The following PTPN9 variants were observed in gnomAD, a reference collection of about 807,000 sequenced individuals.
PTPN9 encodes protein tyrosine phosphatase non-receptor type 9.
A neutral mutation model predicts 69.8 loss-of-function variants in PTPN9; 26 were observed. The observed-to-expected ratio is 0.37, with a 90% CI of 0.27 to 0.52. The LOEUF is 0.52. Among genes scored for constraint, PTPN9 ranks in the 20% least tolerant of loss-of-function variants. The pLI is 0.91. For missense variants in PTPN9, 549 were observed against 740.3 expected, an observed-to-expected ratio of 0.74 and a Z score of 3.00; for synonymous variants, 274 against 272.5, an observed-to-expected ratio of 1.01 and a Z score of -0.05.
chr15:75,464,969 G>T lies in PTPN9; in HGVS notation c.*3800C>A, dbSNP rs886101265. The T allele has an allele frequency of 1.3e-5, 2 of 152,096 alleles. No homozygotes were observed. The highest frequency in any genetic ancestry group is 6.5e-5 in the Admixed American group (1 of 15,268). 9.4% of individuals were successfully genotyped at this position (152,096 alleles called of 1,614,324 possible). A position where few individuals can be genotyped will look rare whatever the true frequency, so the allele number is the denominator to read the frequency against. ...GGGAGCAATGGGAAAAAGGACACAG[G>T]GATTATCTCATGTTTGAAAAATTAT... On this transcript the variant is annotated 3_prime_UTR_variant, in exon 13 of 13. Transcript: ENST00000618819.
chr15:75,570,052 CTTGTG>C (rs913229168), intron 1 of PTPN9, among the ~76,000 whole-genome samples: 5 of 152,078 alleles, frequency 3.3e-5, no homozygotes, highest in African/African-American at 1.2e-4. Flanking sequence ...ATCTCTTGAC[CTTGTG>C]ATCCACCCGC....
intron 1 of PTPN9, among the ~76,000 whole-genome samples, chr15:75,564,737 C>A (rs901564569): frequency 6.6e-6 from 1 of 151,894 alleles, no homozygotes; most frequent in Non-Finnish European, 1.5e-5. Context: ...TAGGAGGATC[C>A]CTTGAGGCAA....
In PTPN9 at chr15:75,469,924, A is replaced by G; in HGVS notation, c.1435T>C (p.Ser479Pro). The G allele has an allele frequency of 6.2e-7, 1 of 1,614,190 alleles. No homozygotes were observed. The highest frequency in any genetic ancestry group is 2.2e-5 in the East Asian group (1 of 44,888). Residue 479 changes from serine to proline, a missense_variant, in exon 12 of 13, where the codon TCC (serine) becomes CCC (proline). Physicochemically the swap from Ser to Pro is moderately conservative, Grantham distance 74. This residue lies in a region of PTPN9 where 457 missense variants were observed against 661.9 expected (regional missense o/e 0.69). Transcript: ENST00000618819. ...ACCACTCTCAAGAAGTCAATGAGGG[A>G]AGCTGCTGAGGAAGGGACACCATAG... ...PDYGVPSSAA[S>P]LIDFLRVVRN...
chr15:75,508,750 ATTGAACTGACTAATGCATCAGG>A (rs1567492664), intron 6 of PTPN9, among the ~76,000 whole-genome samples, 145 bp downstream of exon 6: 1 of 152,270 alleles, frequency 6.6e-6, no homozygotes, highest in African/African-American at 2.4e-5. Context: ...GGCAGTCTGT[ATTGAACTGACTAATGCATCAGG>A]TAGAGAATAT....
At chr15:75,519,305 A>T (rs1178112059) in intron 4 of PTPN9, among the ~76,000 whole-genome samples, 2 of 152,162 alleles carry the variant, frequency 1.3e-5, no homozygotes, top group African/African-American at 4.8e-5. Context: ...GGGTTTCGCC[A>T]TGTTGGCCAG....
chr15:75,493,004 A>T (rs1369038137), intron 7 of PTPN9, among the ~76,000 whole-genome samples: 1 of 152,122 alleles, frequency 6.6e-6, no homozygotes. Flanking sequence ...AAATTAAAAA[A>T]ATTAGCTGGG....
chr15:75,500,205 C>T (rs2074764998), intron 7 of PTPN9, among the ~76,000 whole-genome samples: 1 of 151,838 alleles, frequency 6.6e-6, no homozygotes, highest in Admixed American at 6.6e-5. Context: ...CCCAGCTACT[C>T]AGGAGGCTGA....
At chr15:75,529,784 T>A (rs1326185057) in intron 1 of PTPN9, among the ~76,000 whole-genome samples, 1 of 151,036 alleles carries the variant, frequency 6.6e-6, no homozygotes, top group Admixed American at 6.6e-5. Context: ...GTGGTGCATG[T>A]CTGTAATCCC....
At chr15:75,500,370 C>T (rs951504108) in intron 7 of PTPN9, among the ~76,000 whole-genome samples, 5 of 149,352 alleles carry the variant, frequency 3.3e-5, no homozygotes, top group African/African-American at 7.4e-5. Context: ...CACACACACA[C>T]ATATATATAC....
intron 3 of PTPN9, among the ~76,000 whole-genome samples, chr15:75,524,002 G>A (rs1175089083): frequency 1.3e-5 from 2 of 151,340 alleles, no homozygotes; most frequent in Non-Finnish European, 2.9e-5. Context: ...TATACCTAAT[G>A]CTAAATGACG....
chr15:75,473,691 G>A lies in PTPN9; in HGVS notation c.1206C>T (p.Thr402=), dbSNP rs766736309. 2 of 1,556,886 alleles carry A rather than the reference G, an allele frequency of 1.3e-6. No homozygotes were observed. The highest frequency in any genetic ancestry group is 1.1e-5 in the South Asian group (1 of 89,860). ...TTGGAAAAAAGGGATTAACTCACCG[G>A]GTGGTCATGACAATCACCAAGACTT... ...EQKVLVIVMT[T]RFEEGGRRKC... is the part of the protein sequence containing the mutation. The change falls in exon 10 of 13, where the codon ACC becomes ACT. Residue 402 remains threonine (T), a splice_region_variant and synonymous_variant. Coordinates refer to ENST00000618819, the MANE Select transcript of PTPN9 (RefSeq NM_002833.4).
chr15:75,564,919 T>C (rs1344690694), intron 1 of PTPN9, among the ~76,000 whole-genome samples: 2 of 151,606 alleles, frequency 1.3e-5, no homozygotes, highest in Non-Finnish European at 2.9e-5. Flanking sequence ...CTGACCAACA[T>C]GGTGAAACCC....
chr15:75,547,376 A>C (rs1281230534), intron 1 of PTPN9, among the ~76,000 whole-genome samples: 2 of 151,204 alleles, frequency 1.3e-5, no homozygotes, highest in African/African-American at 4.9e-5. Flanking sequence ...AGGCAGGTGG[A>C]TCATGAGGTC....
At chr15:75,488,534 G>A (rs1023211104) in intron 8 of PTPN9, among the ~76,000 whole-genome samples, 2 of 152,152 alleles carry the variant, frequency 1.3e-5, no homozygotes, top group African/African-American at 2.4e-5. Flanking sequence ...ACCGGCTCAT[G>A]CCTGTAATCC....
At chr15:75,496,045 G>T (rs183860376) in intron 7 of PTPN9, among the ~76,000 whole-genome samples, 427 of 151,626 alleles carry the variant, frequency 2.8e-3, no homozygotes, top group Non-Finnish European at 3.9e-3. Context: ...AGGCTGAGGT[G>T]AGAGAATTGC....
At chr15:75,572,608 G>C (rs111784665) in intron 1 of PTPN9, among the ~76,000 whole-genome samples, 268 of 152,156 alleles carry the variant, frequency 1.8e-3, no homozygotes, top group African/African-American at 6.3e-3. Context: ...CCAGCTACTC[G>C]AGAGGCTGAG....
At chr15:75,558,738 C>T (rs2042855430) in intron 1 of PTPN9, among the ~76,000 whole-genome samples, 1 of 152,198 alleles carries the variant, frequency 6.6e-6, no homozygotes, top group South Asian at 2.1e-4. Flanking sequence ...GCTGTGTTGG[C>T]CGGGCTGGTC....
intron 1 of PTPN9, among the ~76,000 whole-genome samples, chr15:75,563,031 C>T (rs1321547682): frequency 6.6e-6 from 1 of 151,702 alleles, no homozygotes; most frequent in Non-Finnish European, 1.5e-5. Context: ...ATTTTGTTAC[C>T]CAGGTAATAA....
intron 8 of PTPN9, among the ~76,000 whole-genome samples, chr15:75,482,058 C>T (rs1192618662): frequency 2.0e-5 from 3 of 149,020 alleles, no homozygotes; most frequent in Admixed American, 6.7e-5. Flanking sequence ...GGATGGTTGC[C>T]GTGTCTGTGT....
Sources: allele counts gnomAD v4.1 joint callset (sites outside exome capture counted in the v4.1 genomes callset), GRCh38; gene constraint gnomAD v4.1.1; regional missense constraint gnomAD v4.1.1; transcripts MANE v1.5; gene names NCBI Gene and HGNC (gene_info 2026-07-23, HGNC 2026-07-21).